Variants in TNKS2 observed in about 807,000 individuals in gnomAD.
The protein encoded by TNKS2 is tankyrase 2, also known as poly [ADP-ribose] polymerase tankyrase-2.
A neutral mutation model predicts 137.6 loss-of-function variants in TNKS2; 72 were observed. The ratio of observed to expected loss-of-function variants is 0.52; its 90% confidence interval spans 0.43 to 0.64. The LOEUF (loss-of-function observed/expected upper bound fraction) is 0.64, where lower values mean the gene tolerates loss of function less well. Ranked by LOEUF, TNKS2 falls within the 30% of genes least tolerant of loss-of-function variation. The pLI is 0.00. For missense variants in TNKS2, 1,049 were observed against 1,410.2 expected (o/e 0.74, Z 4.10); for synonymous variants, 516 against 512.1 (o/e 1.01, Z -0.10).
chr10:91,822,181 C>A, intron 6 of TNKS2, 115 bp from the exon 7 acceptor site: 1 of 783,858 alleles, frequency 1.3e-6, no homozygotes. Context: ...ATTAGAACAT[C>A]ACATAATCCA....
chr10:91,856,665 TCA>T (rs1842715054), intron 23 of TNKS2, among the ~76,000 whole-genome samples: 1 of 152,244 alleles, frequency 6.6e-6, no homozygotes, highest in Non-Finnish European at 1.5e-5. Context: ...AAAAATTTTT[TCA>T]GTGATGAAAC....
chr10:91,862,764 A>G (rs1842883202), intron 26 of TNKS2, among the ~76,000 whole-genome samples, 173 bp from the exon 27 acceptor site: 1 of 152,150 alleles, frequency 6.6e-6, no homozygotes, highest in Non-Finnish European at 1.5e-5. Flanking sequence ...CTGATTGAAA[A>G]TCTGAAGAAC....
intron 8 of TNKS2, 44 bp downstream of exon 8, chr10:91,827,247 TAAACTG>T: frequency 7.5e-7 from 1 of 1,331,820 alleles, no homozygotes; most frequent in Non-Finnish European, 9.8e-7. Context: ...ATTATATCAA[TAAACTG>T]AACATTTTTT....
intron 21 of TNKS2, among the ~76,000 whole-genome samples, chr10:91,853,098 T>C (rs908790210): frequency 6.6e-6 from 1 of 152,228 alleles, no homozygotes; most frequent in Non-Finnish European, 1.5e-5. Context: ...ATAACAATTA[T>C]GTTGGAGTAC....
At chr10:91,815,407 A>C (rs757428642) in intron 2 of TNKS2, among the ~76,000 whole-genome samples, 1 of 152,104 alleles carries the variant, frequency 6.6e-6, no homozygotes, top group Non-Finnish European at 1.5e-5. Flanking sequence ...CAAATACATC[A>C]TTTTTACCAC....
chr10:91,815,343 T>G (rs1194154415), intron 2 of TNKS2, among the ~76,000 whole-genome samples: 2 of 152,246 alleles, frequency 1.3e-5, no homozygotes, highest in African/African-American at 4.8e-5. Flanking sequence ...CCTAGTTACC[T>G]CTGCCCAATT....
At chr10:91,816,528 A>G (rs1272374063) in intron 2 of TNKS2, among the ~76,000 whole-genome samples, 1 of 152,202 alleles carries the variant, frequency 6.6e-6, no homozygotes, top group Non-Finnish European at 1.5e-5. Flanking sequence ...GTATTATGGT[A>G]TCAATAGTGG....
intron 6 of TNKS2, among the ~76,000 whole-genome samples, chr10:91,821,918 A>G (rs1844903878): frequency 6.6e-6 from 1 of 152,234 alleles, no homozygotes; most frequent in Admixed American, 6.5e-5. Flanking sequence ...GAAAGCACAG[A>G]GTTAATGGTG....
intron 1 of TNKS2, among the ~76,000 whole-genome samples, chr10:91,802,439 G>A (rs1004899217): frequency 6.6e-6 from 1 of 152,192 alleles, no homozygotes; most frequent in South Asian, 2.1e-4. Flanking sequence ...GTTACAAGGG[G>A]TCAGACAACC....
rs57058393 is a variant in TNKS2 at position 91,859,523 on chromosome 10, T to C, written c.3156T>C (p.Gly1052=). 8.2e-4 allele frequency: 1,330 copies of C among 1,613,894 alleles called. 8 individuals are homozygous for C. In the African/African-American group the frequency reaches 0.013, roughly 16 times the overall value. ...KGFDERHAYI[G]GMFGAGIYFA... ...TTGATGAAAGGCATGCGTACATAGG[T>C]GGTATGTTTGGAGCTGGCATTTATT... is the stretch of plus-strand genomic sequence containing the variant. The change falls in exon 25 of 27, where the codon GGT becomes GGC. Residue 1052 remains glycine (G), a synonymous_variant. Transcript: ENST00000371627.
chr10:91,839,967 G>A (rs1354605947), intron 13 of TNKS2, among the ~76,000 whole-genome samples: 1 of 152,138 alleles, frequency 6.6e-6, no homozygotes, highest in Non-Finnish European at 1.5e-5. Context: ...CTGATGATTG[G>A]CACTTAGTTT....
chr10:91,831,214 C>A (rs1424234099), intron 11 of TNKS2, 33 bp downstream of exon 11: 1 of 1,576,258 alleles, frequency 6.3e-7, no homozygotes, highest in Non-Finnish European at 8.7e-7. Flanking sequence ...TTTGGTAATC[C>A]AATGAGTTAT....
In TNKS2 at chr10:91,841,423, A is replaced by G; in HGVS notation, c.1814A>G (p.Tyr605Cys). The G allele has an allele frequency of 6.2e-7, 1 of 1,608,914 alleles. No homozygotes were observed. Among genetic ancestry groups the G allele is most frequent in the Non-Finnish European group, 8.5e-7 (1 of 1,178,008 alleles). The change falls in exon 15 of 27, where the codon TAT becomes TGT. Residue 605 changes from tyrosine to cysteine, a missense_variant. Physicochemically the swap from Tyr to Cys is radical, Grantham distance 194. Around this residue, in one of 6 missense-constraint regions of TNKS2, gnomAD observed 328 missense variants for 436.0 expected, o/e 0.75. Transcript: ENST00000371627. ...PLHEAAAKGK[Y>C]EICKLLLQHG... ...CATGAAGCAGCAGCAAAAGGAAAAT[A>G]TGAAATTTGCAAACTTCTGCTCCAG...
At position 91,826,968 on chromosome 10, in the gene TNKS2, T is replaced by C. The variant is rs762898836; in HGVS notation, c.796-49T>C. Reference sequence around the variant, plus strand: ...TTAAATTACACAGTACGAATAATTCTGAATTCTTTTAAAAATTGAACATTA... The same window carrying C: ...TTAAATTACACAGTACGAATAATTCCGAATTCTTTTAAAAATTGAACATTA... On this transcript the variant is annotated intron_variant, in intron 7 of 26. Transcript: ENST00000371627. 7.0e-6 allele frequency: 10 copies of C among 1,423,386 alleles called. No homozygotes were observed. The East Asian group carries it at 2.2e-4, about 31-fold the overall frequency. The allele number at this position is 1,423,386 out of a possible 1,614,324, so 88.2% of individuals were successfully genotyped here. A position where few individuals can be genotyped will look rare whatever the true frequency, so the allele number is the denominator to read the frequency against.
At chr10:91,815,735 T>C (rs1421319736) in intron 2 of TNKS2, among the ~76,000 whole-genome samples, 1 of 152,136 alleles carries the variant, frequency 6.6e-6, no homozygotes, top group Non-Finnish European at 1.5e-5. Context: ...GTTAAATTAT[T>C]TATGTGGCTC....
chr10:91,811,797 C>A (rs552413118), intron 1 of TNKS2, among the ~76,000 whole-genome samples: 39 of 152,276 alleles, frequency 2.6e-4, no homozygotes, highest in African/African-American at 9.1e-4. Context: ...CAGTGGCTCA[C>A]GCCTGTAATC....
Position 91,817,219 on chromosome 10 carries a change from A to T in TNKS2, c.510A>T (p.Ala170=). The T allele has an allele frequency of 6.2e-7, 1 of 1,612,662 alleles. No homozygotes were observed. The highest frequency in any genetic ancestry group is 8.5e-7 in the Non-Finnish European group (1 of 1,179,174). The change falls in exon 3 of 27, where the codon GCA becomes GCT. Residue 170 remains alanine, a synonymous_variant. Transcript: ENST00000371627. ...ATTTAGCAGATCCATCTGCCAAAGCAGTGCTTACTGGTAAGTCTGTATACT... is the reference window on the plus strand; with the variant it reads ...ATTTAGCAGATCCATCTGCCAAAGCTGTGCTTACTGGTAAGTCTGTATACT... ...ALDLADPSAK[A]VLTGEYKKDE...
chr10:91,818,826 C>T lies in TNKS2; in HGVS notation c.521-444C>T, dbSNP rs1311614545. ...GGGATTACAGACATGAGCCAATACA[C>T]CCGGACATTTTTAGGTTTGGAACAA... On this transcript the variant is annotated intron_variant, in intron 3 of 26. Coordinates refer to ENST00000371627, the MANE Select transcript of TNKS2 (RefSeq NM_025235.4). Among the ~76,000 whole-genome samples, 4 of 152,126 alleles carry T rather than the reference C, an allele frequency of 2.6e-5. No individual in the cohort carries two copies. In the South Asian group the frequency reaches 8.3e-4, roughly 32 times the overall value.
chr10:91,856,932 C>A (rs1842723209), intron 23 of TNKS2, among the ~76,000 whole-genome samples: 1 of 151,854 alleles, frequency 6.6e-6, no homozygotes, highest in Non-Finnish European at 1.5e-5. Flanking sequence ...TTAAAATCTT[C>A]TGCGGACAAA....
Sources: gnomAD v4.1 joint callset for allele counts (sites outside exome capture counted in the v4.1 genomes callset) on GRCh38, gnomAD v4.1.1 for gene constraint, gnomAD v4.1.1 regional missense constraint, MANE v1.5 for transcripts, NCBI Gene and HGNC (gene_info 2026-07-23, HGNC 2026-07-21) for gene names.